Variants in ZBTB16 observed in about 807,000 individuals in gnomAD.
The protein encoded by ZBTB16 is zinc finger and BTB domain containing 16.
Under a neutral mutation model 56.8 loss-of-function variants are expected in ZBTB16, and 8 were observed. The ratio of observed to expected loss-of-function variants is 0.14; its 90% confidence interval spans 0.08 to 0.25. ZBTB16 has a LOEUF of 0.25. Ranked by LOEUF, ZBTB16 falls within the 10% of genes least tolerant of loss-of-function variation. The pLI is 1.00. For synonymous variants in ZBTB16, 363 were observed against 368.5 expected (o/e 0.98, Z 0.17); for missense variants, 625 against 903.0 (o/e 0.69, Z 3.95).
chr11:114,167,219 T>G (rs1942784497), intron 3 of ZBTB16, among the ~76,000 whole-genome samples: 1 of 72,570 alleles, frequency 1.4e-5, no homozygotes, highest in Non-Finnish European at 2.4e-5. Context: ...ATTTGTGGTT[T>G]TTTTTTTTTT....
At chr11:114,095,245 C>CTTTTTTTTTTTTTTTT (rs745895999) in intron 2 of ZBTB16, among the ~76,000 whole-genome samples, 4 of 90,482 alleles carry the variant, frequency 4.4e-5, no homozygotes, top group Admixed American at 1.2e-4. Context: ...CTTTTCTTTT[C>CTTTTTTTTTTTTTTTT]TTTTTTTTTT....
intron 2 of ZBTB16, among the ~76,000 whole-genome samples, chr11:114,112,008 T>G (rs1941019964): frequency 1.3e-5 from 2 of 152,122 alleles, no homozygotes; most frequent in South Asian, 4.1e-4. Flanking sequence ...AATTTTTTTG[T>G]GGGGGATGTA....
At chr11:114,123,592 T>TATA (rs1411484423) in intron 2 of ZBTB16, among the ~76,000 whole-genome samples, 2 of 152,182 alleles carry the variant, frequency 1.3e-5, no homozygotes, top group South Asian at 2.1e-4. Context: ...GAGGGTGGCC[T>TATA]TGGGTTCCTG....
intron 2 of ZBTB16, among the ~76,000 whole-genome samples, chr11:114,136,483 A>C (rs1200887104): frequency 6.6e-6 from 1 of 152,220 alleles, no homozygotes; most frequent in Non-Finnish European, 1.5e-5. Context: ...CCTAGAGAGC[A>C]TAAGTGGTTC....
At chr11:114,193,164 G>A (rs1057316349) in intron 4 of ZBTB16, among the ~76,000 whole-genome samples, 1 of 152,194 alleles carries the variant, frequency 6.6e-6, no homozygotes, top group Non-Finnish European at 1.5e-5. Flanking sequence ...AGGAGGGAGA[G>A]GTCAGCTACC....
intron 2 of ZBTB16, among the ~76,000 whole-genome samples, chr11:114,151,665 A>T (rs912951152): frequency 6.6e-6 from 1 of 152,234 alleles, no homozygotes; most frequent in Non-Finnish European, 1.5e-5. Context: ...GACATGTGAC[A>T]TTGGCAGTGC....
intron 2 of ZBTB16, among the ~76,000 whole-genome samples, chr11:114,071,480 T>G (rs1217424608): frequency 3.3e-5 from 5 of 152,228 alleles, no homozygotes; most frequent in Non-Finnish European, 5.9e-5. Flanking sequence ...GTTTTCCTCC[T>G]GCTCGTTCTA....
chr11:114,210,179 G>C (rs987747460), intron 4 of ZBTB16, among the ~76,000 whole-genome samples: 1 of 141,192 alleles, frequency 7.1e-6, no homozygotes, highest in Non-Finnish European at 1.6e-5. Flanking sequence ...GTGTGTGTGT[G>C]TGTGTGTGTG....
chr11:114,159,471 T>C (rs1449554089), intron 3 of ZBTB16, among the ~76,000 whole-genome samples: 3 of 152,230 alleles, frequency 2.0e-5, no homozygotes, highest in Non-Finnish European at 4.4e-5. Flanking sequence ...TATATTCTGA[T>C]ATTTCTATTC....
At chr11:114,125,638 G>A (rs1474409574) in intron 2 of ZBTB16, among the ~76,000 whole-genome samples, 7 of 152,112 alleles carry the variant, frequency 4.6e-5, no homozygotes, top group African/African-American at 1.7e-4. Context: ...GAAAGTAGGA[G>A]GTGAAAGGTG....
intron 4 of ZBTB16, among the ~76,000 whole-genome samples, chr11:114,226,180 CAGTA>C: frequency 6.6e-6 from 1 of 152,184 alleles, no homozygotes; most frequent in Non-Finnish European, 1.5e-5. Context: ...ATGAGTGAGT[CAGTA>C]AGTGAGTAAC....
intron 5 of ZBTB16, among the ~76,000 whole-genome samples, chr11:114,242,896 G>A (rs1217269333): frequency 6.6e-6 from 1 of 152,190 alleles, no homozygotes; most frequent in African/African-American, 2.4e-5. Flanking sequence ...AAGACAAGGA[G>A]GGCATTTAAA....
intron 2 of ZBTB16, among the ~76,000 whole-genome samples, chr11:114,108,643 GC>G (rs1479095922): frequency 6.6e-6 from 1 of 152,144 alleles, no homozygotes; most frequent in Non-Finnish European, 1.5e-5. Flanking sequence ...GGGGGTGGCT[GC>G]CTGGGTTGAA....
chr11:114,230,852 C>G (rs75534190), intron 4 of ZBTB16, among the ~76,000 whole-genome samples: 4,378 of 152,226 alleles, frequency 0.029, 70 homozygotes, highest in South Asian at 0.036. Flanking sequence ...TCCATTCTGT[C>G]TCCCTGGGCC....
intron 2 of ZBTB16, among the ~76,000 whole-genome samples, chr11:114,070,009 G>A (rs1192514211): frequency 6.6e-6 from 1 of 151,704 alleles, no homozygotes; most frequent in African/African-American, 2.4e-5. Context: ...ATGTTTTGCT[G>A]CAAAAATATT....
chr11:114,234,300 C>T (rs951058186), intron 4 of ZBTB16, among the ~76,000 whole-genome samples: 27 of 152,194 alleles, frequency 1.8e-4, no homozygotes, highest in Admixed American at 1.4e-3. Context: ...TGTAACTGAA[C>T]GCCTCAGCAG....
At chr11:114,227,229 C>T (rs1944344535) in intron 4 of ZBTB16, among the ~76,000 whole-genome samples, 1 of 152,166 alleles carries the variant, frequency 6.6e-6, no homozygotes, top group African/African-American at 2.4e-5. Context: ...AGTGGCCCAT[C>T]ACCCCCAGTA....
intron 2 of ZBTB16, among the ~76,000 whole-genome samples, chr11:114,130,271 C>T (rs998550652): frequency 1.7e-4 from 26 of 152,254 alleles, no homozygotes; most frequent in African/African-American, 4.8e-4. Context: ...CTCTGGACTC[C>T]GCCAGCTGCA....
chr11:114,068,516 G>C (rs1939210839), intron 2 of ZBTB16, among the ~76,000 whole-genome samples: 1 of 152,204 alleles, frequency 6.6e-6, no homozygotes, highest in African/African-American at 2.4e-5. Flanking sequence ...GTCAAGTGTA[G>C]TCATGGATGG....
Sources: gnomAD v4.1 joint callset for allele counts (sites outside exome capture counted in the v4.1 genomes callset) on GRCh38, gnomAD v4.1.1 for gene constraint, MANE v1.5 for transcripts, NCBI Gene and HGNC (gene_info 2026-07-23, HGNC 2026-07-21) for gene names.